The following ITGB2 variants were observed in gnomAD, a reference collection of about 807,000 sequenced individuals.
The protein encoded by ITGB2 is integrin beta-2.
ITGB2 carries 56 observed loss-of-function variants against 86.8 expected under a neutral mutation model. The observed-to-expected ratio is 0.65, with a 90% CI of 0.52 to 0.81. The LOEUF (loss-of-function observed/expected upper bound fraction) is 0.81, where lower values mean the gene tolerates loss of function less well. Ranked by LOEUF, ITGB2 falls within the 30% of genes least tolerant of loss-of-function variation. The probability of loss-of-function intolerance (pLI) is 0.00; values close to 1 mark genes in which losing one functional copy is unlikely to be tolerated. For missense variants in ITGB2, 948 were observed against 1,061.2 expected, an observed-to-expected ratio of 0.89 and a Z score of 1.48; for synonymous variants, 457 against 450.4, an observed-to-expected ratio of 1.01 and a Z score of -0.19.
At chr21:44,887,089 G>T (rs919095333) in intron 14 of ITGB2, among the ~76,000 whole-genome samples, 187 bp from the exon 15 acceptor site, 1 of 152,164 alleles carries the variant, frequency 6.6e-6, no homozygotes, top group Non-Finnish European at 1.5e-5. Flanking sequence ...TGGATTCCAG[G>T]CCAGGCCCTG....
intron 15 of ITGB2, 46 bp downstream of exon 15, chr21:44,886,690 G>T (rs773315057): frequency 1.2e-6 from 2 of 1,611,674 alleles, no homozygotes; most frequent in Admixed American, 1.7e-5. Flanking sequence ...CATAGTGTGG[G>T]ACGCACGTGC....
chr21:44,909,349 C>G (rs1192155693), intron 3 of ITGB2: 2 of 152,386 alleles, frequency 1.3e-5, no homozygotes, highest in Non-Finnish European at 2.9e-5. Context: ...GCAGAGGAAA[C>G]TCCAGACAAG....
intron 1 of ITGB2, chr21:44,927,674 C>T (rs1240427548): frequency 6.6e-6 from 1 of 152,390 alleles, no homozygotes. Flanking sequence ...GCGGGTGAGA[C>T]CTTTTGCAGG....
At chr21:44,889,151 A>T in intron 13 of ITGB2, 125 bp downstream of exon 13, 1 of 930,066 alleles carries the variant, frequency 1.1e-6, no homozygotes, top group Non-Finnish European at 1.7e-6. Context: ...CTCAGTCCAG[A>T]CGCACCCGCA....
rs199735877 is a variant in ITGB2, at chr21:44,901,504, G to A, written c.729C>T (p.Val243=). 1.9e-4 allele frequency: 306 copies of A among 1,614,144 alleles called. 1 individual carries two copies. In the South Asian group the frequency reaches 2.1e-3, roughly 11 times the overall value. ...PEGGLDAMMQ[V]AACPEEIGWR... is the part of the protein sequence containing the mutation. ...GCAGCGGCCTCACCGGGCAGGCGGC[G>A]ACCTGCATCATGGCGTCCAGCCCAC... Residue 243 remains valine (V), a synonymous_variant, in exon 6 of 16, where the codon GTC becomes GTT. Transcript: ENST00000652462.
chr21:44,894,532 C>A, intron 9 of ITGB2: 1 of 273,410 alleles, frequency 3.7e-6, no homozygotes. Flanking sequence ...GGGTTAAGGG[C>A]TTCTCTGGAG....
In ITGB2 at chr21:44,886,880, G is replaced by A. The variant is rs754492076; in HGVS notation, c.2103C>T (p.Ile701=). The A allele has an allele frequency of 8.7e-6, 14 of 1,613,208 alleles. No individual in the cohort carries two copies. Among genetic ancestry groups the A allele is most frequent in the Admixed American group, 1.7e-5 (1 of 60,008 alleles). The change falls in exon 15 of 16, where the codon ATC becomes ATT. Residue 701 remains isoleucine (I), a synonymous_variant. Coordinates refer to ENST00000652462, the MANE Select transcript of ITGB2 (RefSeq NM_000211.5). The part of the protein sequence containing the change: ...ESRECVAGPN[I]AAIVGGTVAG... ...CCACGGTGCCCCCGACGATGGCGGC[G>A]ATGTTGGGGCCTGCCACACACTCTA...
intron 11 of ITGB2, 104 bp downstream of exon 11, chr21:44,891,705 G>C: frequency 4.5e-6 from 6 of 1,321,394 alleles, no homozygotes; most frequent in Non-Finnish European, 6.3e-6. Context: ...TGCTCCGTGG[G>C]GTGGGGGAAG....
intron 12 of ITGB2, 67 bp from the exon 13 acceptor site, chr21:44,889,562 ACTGCGGTTGCTCC>A (rs2083754822): frequency 7.1e-7 from 1 of 1,399,740 alleles, no homozygotes; most frequent in Non-Finnish European, 9.8e-7. Flanking sequence ...CCGAAACCCC[ACTGCGGTTGCTCC>A]CTCCGGCCCG....
intron 6 of ITGB2, 139 bp from the exon 7 acceptor site, chr21:44,900,614 C>G (rs970247684): frequency 4.8e-6 from 5 of 1,032,964 alleles, no homozygotes; most frequent in Non-Finnish European, 4.3e-6. Flanking sequence ...GTCTCAGGGA[C>G]CCAGCTGTGT....
intron 3 of ITGB2, chr21:44,908,036 G>T: frequency 1.4e-6 from 1 of 717,358 alleles, no homozygotes; most frequent in East Asian, 2.7e-5. Context: ...TCCAGAAAGG[G>T]GAGGGAAAAA....
intron 1 of ITGB2, among the ~76,000 whole-genome samples, chr21:44,918,596 G>T (rs1168776446): frequency 6.6e-6 from 1 of 152,202 alleles, no homozygotes; most frequent in Non-Finnish European, 1.5e-5. Flanking sequence ...TGCAGATAGG[G>T]CCCCTCCCAT....
At position 44,901,509 on chromosome 21, in the gene ITGB2, G is replaced by A. The variant is rs1338306496; in HGVS notation, c.724C>T (p.Gln242Ter). 3.1e-6 allele frequency: 5 copies of A among 1,614,196 alleles called. No homozygotes were observed. The highest frequency in any genetic ancestry group is 4.2e-6 in the Non-Finnish European group (5 of 1,180,032). Residue 242 changes from glutamine (Q) to a stop codon, truncating the protein, a stop_gained, in exon 6 of 16, where the codon CAG becomes TAG. Transcript: ENST00000652462. LOFTEE classifies it high-confidence loss of function. ...APEGGLDAMM[Q>*]VAACPEEIGW... ...GGCCTCACCGGGCAGGCGGCGACCT[G>A]CATCATGGCGTCCAGCCCACCCTCG...
At position 44,890,212 on chromosome 21, in the gene ITGB2, C is replaced by T; in HGVS notation, c.1423G>A (p.Gly475Ser). 1.2e-6 allele frequency: 2 copies of T among 1,613,178 alleles called. No homozygotes were observed. Among genetic ancestry groups the T allele is most frequent in the African/African-American group, 1.3e-5 (1 of 75,028 alleles). Residue 475 changes from glycine to serine, a missense_variant, in exon 12 of 16, where the codon GGC becomes AGC. By Grantham distance (56) the Gly-to-Ser change is moderately conservative. Coordinates refer to ENST00000652462, the MANE Select transcript of ITGB2 (RefSeq NM_000211.5). ...CACTCACAGTTTTTCCCAATGTAGC[C>T]AGTGTCACACCTGGGGACAGGAGGG... ...LECGICRCDT[G>S]YIGKNCECQT...
chr21:44,901,758 G>A, intron 5 of ITGB2, 25 bp from the exon 6 acceptor site: 1 of 1,596,656 alleles, frequency 6.3e-7, no homozygotes. Flanking sequence ...GAGGGGCTGG[G>A]GAGGTGGCAG....
In ITGB2 at chr21:44,915,123, A is replaced by G. The variant is rs571435181; in HGVS notation, c.-3-4338T>C. Among the ~76,000 whole-genome samples the G allele has an allele frequency of 1.6e-4, 25 of 152,148 alleles. No homozygotes were observed. The East Asian group carries it at 4.8e-3, about 29-fold the overall frequency. On this transcript the variant is annotated intron_variant, in intron 1 of 15. Coordinates refer to ENST00000652462, the MANE Select transcript of ITGB2 (RefSeq NM_000211.5). ...ACTGCAAGCTCCGCCTCCCAGGTTCATGCCATTCTCCTGCCTCAGCTTCCT... is the reference window on the plus strand; with the variant it reads ...ACTGCAAGCTCCGCCTCCCAGGTTCGTGCCATTCTCCTGCCTCAGCTTCCT...
chr21:44,890,889 G>T (rs928860415), intron 11 of ITGB2, among the ~76,000 whole-genome samples: 3 of 152,112 alleles, frequency 2.0e-5, no homozygotes, highest in Non-Finnish European at 4.4e-5. Flanking sequence ...TGAAGAGGCC[G>T]CCCCAGGGCT....
chr21:44,891,682 C>A (rs576255585), intron 11 of ITGB2, 127 bp downstream of exon 11: 16 of 1,062,622 alleles, frequency 1.5e-5, no homozygotes, highest in African/African-American at 6.3e-5. Context: ...CAGAAGGGGG[C>A]CCCCAGGATG....
At position 44,893,430 on chromosome 21, in the gene ITGB2, A is replaced by G. The variant is rs779145295; in HGVS notation, c.1198T>C (p.Cys400Arg). The change falls in exon 10 of 16, where the codon TGT (cysteine) becomes CGT (arginine). Residue 400 changes from cysteine (C) to arginine (R), a missense_variant. Physicochemically the swap from Cys to Arg is radical, Grantham distance 180. Coordinates refer to ENST00000652462, the MANE Select transcript of ITGB2 (RefSeq NM_000211.5). ...VTHRNQPRGD[C>R]DGVQINVPIT... ...GGGACATTGATCTGCACGCCATCACAGTCACCTCTGGGCTGGTTCCTGTGC... is the reference window on the plus strand; with the variant it reads ...GGGACATTGATCTGCACGCCATCACGGTCACCTCTGGGCTGGTTCCTGTGC... 6.2e-7 allele frequency: 1 copy of G among 1,614,124 alleles called. No individual in the cohort carries two copies. The highest frequency in any genetic ancestry group is 1.1e-5 in the South Asian group (1 of 91,086).
Sources: gnomAD v4.1 joint callset for allele counts (sites outside exome capture counted in the v4.1 genomes callset) on GRCh38, gnomAD v4.1.1 for gene constraint, MANE v1.5 for transcripts, NCBI Gene and HGNC (gene_info 2026-07-23, HGNC 2026-07-21) for gene names.